CECR2: variants seen among roughly 807,000 people sequenced by gnomAD.
CECR2 encodes the protein chromatin remodeling regulator CECR2.
In CECR2, 30 loss-of-function variants were observed where a neutral mutation model predicts 154.5. That is an observed-to-expected ratio of 0.19 (90% CI 0.15 to 0.26). The LOEUF (loss-of-function observed/expected upper bound fraction) is 0.26. Ranked by LOEUF, CECR2 falls within the 10% of genes least tolerant of loss-of-function variation. The pLI, the probability that CECR2 is intolerant of heterozygous loss-of-function variation, is 1.00. For missense variants in CECR2, 1,743 were observed against 1,829.3 expected, an observed-to-expected ratio of 0.95 and a Z score of 0.86; for synonymous variants, 725 against 683.7, an observed-to-expected ratio of 1.06 and a Z score of -0.94.
chr22:17,546,475 G>C (rs1304187980), intron 16 of CECR2, among the ~76,000 whole-genome samples: 2 of 126,894 alleles, frequency 1.6e-5, no homozygotes, highest in African/African-American at 3.3e-5. Flanking sequence ...GACAGAGCGA[G>C]ACTCTGTCTC....
Position 17,548,976 on chromosome 22 carries a change from C to T in CECR2, c.3689C>T (p.Pro1230Leu). The T allele has an allele frequency of 1.2e-6, 2 of 1,613,978 alleles. No homozygotes were observed. Among genetic ancestry groups the T allele is most frequent in the South Asian group, 1.1e-5 (1 of 91,078 alleles). ...GSPSGPPASQ[P>L]PPPRSLFSDK... The stretch of plus-strand genomic sequence containing the variant: ...CCAAGCGGACCCCCAGCCAGTCAGC[C>T]TCCCCCACCAAGGTCCCTCTTCTCA... The change falls in exon 17 of 19, where the codon CCT (proline) becomes CTT (leucine). Residue 1230 changes from proline (P) to leucine (L), a missense_variant. Transcript: ENST00000262608.
At chr22:17,450,401 G>T (rs954255471) in intron 1 of CECR2, among the ~76,000 whole-genome samples, 7 of 152,176 alleles carry the variant, frequency 4.6e-5, no homozygotes, top group Non-Finnish European at 8.8e-5. Context: ...CTCCTGAGTA[G>T]CTGGGGCTAT....
intron 1 of CECR2, among the ~76,000 whole-genome samples, chr22:17,469,193 A>G (rs906564193): frequency 6.6e-6 from 1 of 152,090 alleles, no homozygotes. Flanking sequence ...GGGAAGCTAC[A>G]CAAGCAGAAA....
intron 1 of CECR2, among the ~76,000 whole-genome samples, chr22:17,451,620 G>T (rs2054772446): frequency 6.6e-6 from 1 of 152,122 alleles, no homozygotes; most frequent in Non-Finnish European, 1.5e-5. Flanking sequence ...CAGAGCCCAG[G>T]GCTTTTCAAC....
intron 1 of CECR2, among the ~76,000 whole-genome samples, chr22:17,412,372 A>G (rs1039184669): frequency 3.9e-5 from 6 of 152,132 alleles, no homozygotes; most frequent in African/African-American, 1.2e-4. Flanking sequence ...TTCAGTTTCT[A>G]GCTCTTCTTT....
chr22:17,512,011 A>C (rs1290680601), intron 8 of CECR2, 115 bp downstream of exon 8: 3 of 775,730 alleles, frequency 3.9e-6, no homozygotes, highest in Non-Finnish European at 6.3e-6. Context: ...CTAAACCCCA[A>C]ATGTTTATTT....
At chr22:17,520,425 T>A (rs1378535113) in intron 8 of CECR2, among the ~76,000 whole-genome samples, 1 of 152,214 alleles carries the variant, frequency 6.6e-6, no homozygotes, top group Non-Finnish European at 1.5e-5. Flanking sequence ...GTAGGATTTT[T>A]AAATTATTAT....
chr22:17,531,532 C>T (rs915424274), intron 9 of CECR2, among the ~76,000 whole-genome samples: 1 of 152,168 alleles, frequency 6.6e-6, no homozygotes, highest in Non-Finnish European at 1.5e-5. Context: ...ATTGGATTTG[C>T]AACCATCAGA....
In CECR2 at chr22:17,515,672, C is replaced by T. The variant is rs921006934; in HGVS notation, c.954+3776C>T. On this transcript the variant is annotated intron_variant, in intron 8 of 18. Coordinates refer to ENST00000262608, the MANE Select transcript of CECR2 (RefSeq NM_001290047.2). ...AAGCTGTTTATAATTTGCTGCACTA[C>T]CAACCTTTTTTTTTTTTTTTTGAGA... Among the ~76,000 whole-genome samples the T allele has an allele frequency of 2.0e-5, 3 of 151,304 alleles. No individual in the cohort carries two copies. The East Asian group carries it at 5.8e-4, about 29-fold the overall frequency.
chr22:17,455,051 A>G (rs1486079653), intron 1 of CECR2, among the ~76,000 whole-genome samples: 1 of 152,194 alleles, frequency 6.6e-6, no homozygotes, highest in Non-Finnish European at 1.5e-5. Flanking sequence ...CCGATTGGCT[A>G]GCAACTTAGA....
At position 17,389,876 on chromosome 22, in the gene CECR2, C is replaced by T. The variant is rs553619864; in HGVS notation, c.126+19967C>T. 9.7e-4 allele frequency among the ~76,000 whole-genome samples: 148 copies of T among 152,248 alleles called. No homozygotes were observed. The Middle Eastern group carries it at 0.017, about 17-fold the overall frequency. On this transcript the variant is annotated intron_variant, in intron 1 of 18. Transcript: ENST00000262608. ...CTCCTGACCTCAGATGATCCGCCCA[C>T]CTCGGCGTCCCAAAATGCTGGGATT...
At chr22:17,379,714 A>C (rs2063164637) in intron 1 of CECR2, among the ~76,000 whole-genome samples, 1 of 151,962 alleles carries the variant, frequency 6.6e-6, no homozygotes, top group African/African-American at 2.4e-5. Context: ...GCTGCTCTAA[A>C]TGTTTTTTAA....
rs568321086 is a variant in CECR2 at position 17,528,763 on chromosome 22, T to C, written c.1108+4492T>C. Among the ~76,000 whole-genome samples, 90 of 152,168 alleles carry C rather than the reference T, an allele frequency of 5.9e-4. 1 individual carries two copies. The highest frequency in any genetic ancestry group is 6.2e-4 in the Non-Finnish European group (42 of 68,034). ...GTTGGCCAGGCTGGTCTTGAACTCC[T>C]GGCCTCAAGTGATCCATCTGCCTCA... On this transcript the variant is annotated intron_variant, in intron 9 of 18. Coordinates refer to ENST00000262608, the MANE Select transcript of CECR2 (RefSeq NM_001290047.2).
At chr22:17,362,872 A>G (rs1317280736) in intron 1 of CECR2, among the ~76,000 whole-genome samples, 3 of 142,040 alleles carry the variant, frequency 2.1e-5, no homozygotes, top group Middle Eastern at 3.8e-3. Context: ...ACTGAACTCT[A>G]GCCTGGGCGA....
At chr22:17,368,785 G>C (rs1215710152), upstream of CECR2, among the ~76,000 whole-genome samples, 1 of 152,020 alleles carries the variant, frequency 6.6e-6, no homozygotes, top group Non-Finnish European at 1.5e-5. Flanking sequence ...ATTCCCTGGG[G>C]TTGGGGATCG....
intron 8 of CECR2, among the ~76,000 whole-genome samples, chr22:17,520,440 C>CT (rs771419937): frequency 5.3e-5 from 8 of 151,758 alleles, no homozygotes; most frequent in African/African-American, 1.9e-4. Flanking sequence ...TATTATTATA[C>CT]TTTAAGTTCT....
At chr22:17,483,937 A>G (rs1252590896) in intron 2 of CECR2, among the ~76,000 whole-genome samples, 1 of 152,198 alleles carries the variant, frequency 6.6e-6, no homozygotes, top group Non-Finnish European at 1.5e-5. Context: ...TCCTTACTAT[A>G]CCTTTTCTAT....
At chr22:17,530,542 T>G (rs936870083) in intron 9 of CECR2, among the ~76,000 whole-genome samples, 14 of 151,792 alleles carry the variant, frequency 9.2e-5, no homozygotes, top group African/African-American at 3.4e-4. Flanking sequence ...CCGGGCATGG[T>G]GGCGTGCACC....
In CECR2 at chr22:17,414,110, C is replaced by T. The variant is rs186054596; in HGVS notation, c.126+44201C>T. Among the ~76,000 whole-genome samples the T allele has an allele frequency of 3.9e-4, 59 of 152,012 alleles. 2 individuals are homozygous for T. The South Asian group carries it at 5.8e-3, about 15-fold the overall frequency. ...GCCTCAGCCTTCTGAGTAGCTGGGACTACAGGTGCCTGCCACCACGCCTGG... is the reference window on the plus strand; with the variant it reads ...GCCTCAGCCTTCTGAGTAGCTGGGATTACAGGTGCCTGCCACCACGCCTGG... On this transcript the variant is annotated intron_variant, in intron 1 of 18. Coordinates refer to ENST00000262608, the MANE Select transcript of CECR2 (RefSeq NM_001290047.2).
Sources: allele counts gnomAD v4.1 joint callset (sites outside exome capture counted in the v4.1 genomes callset), GRCh38; gene constraint gnomAD v4.1.1; transcripts MANE v1.5; gene names NCBI Gene and HGNC (gene_info 2026-07-23, HGNC 2026-07-21).